KIAA1217: variants seen among roughly 807,000 people sequenced by gnomAD.
KIAA1217 encodes the protein sickle tail protein homolog.
A neutral mutation model predicts 163.9 loss-of-function variants in KIAA1217; 88 were observed. The ratio of observed to expected loss-of-function variants is 0.54; its 90% CI spans 0.45 to 0.64. The LOEUF (loss-of-function observed/expected upper bound fraction) is 0.64. Among genes scored for constraint, KIAA1217 ranks in the 30% least tolerant of loss-of-function variants. The probability of loss-of-function intolerance (pLI) is 0.00; values close to 1 mark genes in which losing one functional copy is unlikely to be tolerated. For synonymous variants in KIAA1217, 903 were observed against 923.1 expected (o/e 0.98, Z 0.39); for missense variants, 2,372 against 2,475.0 (o/e 0.96, Z 0.88).
intron 1 of KIAA1217, among the ~76,000 whole-genome samples, chr10:23,940,460 C>CAAAAAAAAAAAAAAAAAAAAAAAA (rs760090400): frequency 2.2e-5 from 1 of 46,024 alleles, no homozygotes; most frequent in Non-Finnish European, 4.8e-5. Context: ...GACTCCGTCT[C>CAAAAAAAAAAAAAAAAAAAAAAAA]AAAAAAAAAA....
chr10:23,806,554 G>A (rs982356366), intron 1 of KIAA1217, among the ~76,000 whole-genome samples: 7 of 151,580 alleles, frequency 4.6e-5, no homozygotes, highest in African/African-American at 1.7e-4. Context: ...GAATTATGCT[G>A]TGAAAAAAAA....
chr10:24,343,734 T>G (rs528677935), intron 2 of KIAA1217, among the ~76,000 whole-genome samples: 1 of 152,352 alleles, frequency 6.6e-6, no homozygotes, highest in South Asian at 2.1e-4. Context: ...TACGTTGTAA[T>G]ATTTGATCCT....
chr10:24,036,838 A>G (rs1351803856), intron 2 of KIAA1217, among the ~76,000 whole-genome samples: 1 of 152,296 alleles, frequency 6.6e-6, no homozygotes, highest in South Asian at 2.1e-4. Context: ...GCCCACCATC[A>G]ACATTGGAGG....
At chr10:23,960,467 G>C (rs1017574714) in intron 1 of KIAA1217, among the ~76,000 whole-genome samples, 2 of 151,526 alleles carry the variant, frequency 1.3e-5, no homozygotes. Context: ...ATGTTGGTCA[G>C]GCTGGTCTCC....
chr10:24,453,673 A>T (rs2061554450), intron 5 of KIAA1217, among the ~76,000 whole-genome samples: 1 of 152,086 alleles, frequency 6.6e-6, no homozygotes, highest in Non-Finnish European at 1.5e-5. Context: ...TTAATGTATG[A>T]CTCCTCACAT....
intron 3 of KIAA1217, among the ~76,000 whole-genome samples, chr10:24,389,235 G>C (rs186484399): frequency 2.6e-5 from 4 of 152,308 alleles, no homozygotes; most frequent in African/African-American, 9.6e-5. Flanking sequence ...AAAAGGATGA[G>C]TTCATGTCCT....
chr10:23,762,951 CAA>C (rs1258820779), intron 1 of KIAA1217, among the ~76,000 whole-genome samples: 1 of 152,130 alleles, frequency 6.6e-6, no homozygotes, highest in Non-Finnish European at 1.5e-5. Flanking sequence ...GCAAACATCA[CAA>C]GCATTCCTAT....
chr10:23,817,362 GCA>G (rs1837356318), intron 1 of KIAA1217, among the ~76,000 whole-genome samples: 6 of 152,166 alleles, frequency 3.9e-5, no homozygotes, highest in Admixed American at 3.9e-4. Context: ...TTGAAACATT[GCA>G]AGAGAAGTTT....
intron 2 of KIAA1217, among the ~76,000 whole-genome samples, chr10:24,012,273 T>C (rs568273479): frequency 6.6e-6 from 1 of 152,216 alleles, no homozygotes; most frequent in South Asian, 2.1e-4. Context: ...ATATAAATCC[T>C]AAAGAGAAAA....
chr10:24,112,743 C>T (rs1453089343), intron 2 of KIAA1217, among the ~76,000 whole-genome samples: 2 of 152,020 alleles, frequency 1.3e-5, no homozygotes, highest in Non-Finnish European at 2.9e-5. Flanking sequence ...CGCCCCCATG[C>T]CCGGCCAATT....
At chr10:24,229,239 G>A (rs1430137068) in intron 2 of KIAA1217, among the ~76,000 whole-genome samples, 1 of 152,224 alleles carries the variant, frequency 6.6e-6, no homozygotes, top group Admixed American at 6.5e-5. Flanking sequence ...GTAAGTCGCA[G>A]CCTTTGGCCA....
intron 6 of KIAA1217, among the ~76,000 whole-genome samples, chr10:24,488,352 G>T (rs148877299): frequency 6.6e-6 from 1 of 152,284 alleles, no homozygotes; most frequent in Non-Finnish European, 1.5e-5. Context: ...GGATGAGATA[G>T]TCAAGAATTC....
intron 2 of KIAA1217, among the ~76,000 whole-genome samples, chr10:24,156,573 A>G (rs1195309658): frequency 2.0e-5 from 3 of 152,144 alleles, no homozygotes; most frequent in Non-Finnish European, 2.9e-5. Context: ...CTCACCTGCC[A>G]ACATCACTTT....
Position 24,546,352 on chromosome 10 carries a change from G to T in KIAA1217, c.*28G>T. ...GTCAAATCCTATTAGGCACAAGTCG[G>T]AGTTACATTTAAAAAAAATTAACAG... On this transcript the variant is annotated 3_prime_UTR_variant, in exon 21 of 21. Coordinates refer to ENST00000376454, the MANE Select transcript of KIAA1217 (RefSeq NM_019590.5). 6.5e-7 allele frequency: 1 copy of T among 1,542,506 alleles called. No individual in the cohort carries two copies. The highest frequency in any genetic ancestry group is 8.7e-7 in the Non-Finnish European group (1 of 1,147,080).
chr10:23,985,242 C>T (rs1404250958), intron 1 of KIAA1217, among the ~76,000 whole-genome samples: 1 of 152,180 alleles, frequency 6.6e-6, no homozygotes, highest in African/African-American at 2.4e-5. Context: ...TTTCCTGACA[C>T]AGTGTGTTTA....
chr10:23,977,127 C>A (rs1310730069), intron 1 of KIAA1217, among the ~76,000 whole-genome samples: 1 of 152,076 alleles, frequency 6.6e-6, no homozygotes, highest in Non-Finnish European at 1.5e-5. Context: ...GAATTAGATC[C>A]TTCTTGGTTC....
At chr10:23,774,789 C>T (rs939575624) in intron 1 of KIAA1217, among the ~76,000 whole-genome samples, 11 of 152,144 alleles carry the variant, frequency 7.2e-5, no homozygotes, top group African/African-American at 2.7e-4. Context: ...CTGAGGGGTC[C>T]AAGAAGTCTA....
At chr10:24,099,346 C>G (rs544683152) in intron 2 of KIAA1217, among the ~76,000 whole-genome samples, 1 of 150,880 alleles carries the variant, frequency 6.6e-6, no homozygotes, top group South Asian at 2.1e-4. Context: ...TCCCCTACCC[C>G]ACGGCAGGTC....
At chr10:24,518,387 C>A (rs2070536934) in intron 10 of KIAA1217, among the ~76,000 whole-genome samples, 1 of 152,088 alleles carries the variant, frequency 6.6e-6, no homozygotes, top group Admixed American at 6.6e-5. Flanking sequence ...ATATACATTT[C>A]TGTATATTCC....
Sources: gnomAD v4.1 joint callset for allele counts (sites outside exome capture counted in the v4.1 genomes callset) on GRCh38, gnomAD v4.1.1 for gene constraint, MANE v1.5 for transcripts, NCBI Gene and HGNC (gene_info 2026-07-23, HGNC 2026-07-21) for gene names.